PRKG1: variants seen among roughly 807,000 people sequenced by gnomAD.
PRKG1 encodes protein kinase cGMP-dependent 1.
A neutral mutation model predicts 88.1 loss-of-function variants in PRKG1; 35 were observed. The ratio of observed to expected loss-of-function variants is 0.40; its 90% CI spans 0.30 to 0.53. PRKG1 has a LOEUF of 0.53. Ranked by LOEUF, PRKG1 falls within the 20% of genes least tolerant of loss-of-function variation. The probability of loss-of-function intolerance (pLI) is 0.59; values close to 1 mark genes in which losing one functional copy is unlikely to be tolerated. For missense variants in PRKG1, 540 were observed against 839.8 expected (o/e 0.64, Z 4.41); for synonymous variants, 303 against 292.5 (o/e 1.04, Z -0.37).
At chr10:51,237,288 T>C (rs1839021640) in intron 2 of PRKG1, among the ~76,000 whole-genome samples, 1 of 152,162 alleles carries the variant, frequency 6.6e-6, no homozygotes, top group South Asian at 2.1e-4. Flanking sequence ...TCTCAGGGCG[T>C]TGGTAGCTAC....
intron 4 of PRKG1, among the ~76,000 whole-genome samples, chr10:51,837,576 A>T (rs756638985): frequency 6.6e-6 from 1 of 151,906 alleles, no homozygotes; most frequent in Non-Finnish European, 1.5e-5. Flanking sequence ...TTCCCTCTCC[A>T]TTGGGGTAAG....
chr10:51,860,106 GT>G (rs1840832983), intron 4 of PRKG1, among the ~76,000 whole-genome samples: 1 of 152,092 alleles, frequency 6.6e-6, no homozygotes, highest in Non-Finnish European at 1.5e-5. Flanking sequence ...CAAAAATAGG[GT>G]AAATAAGTAC....
intron 8 of PRKG1, among the ~76,000 whole-genome samples, chr10:52,153,448 G>A (rs1008463441): frequency 6.6e-6 from 1 of 152,180 alleles, no homozygotes; most frequent in Non-Finnish European, 1.5e-5. Context: ...GAGTGAAATA[G>A]CAATTCTCCA....
chr10:52,091,976 G>A (rs554537290), intron 7 of PRKG1, among the ~76,000 whole-genome samples: 2 of 152,198 alleles, frequency 1.3e-5, no homozygotes, highest in Admixed American at 1.3e-4. Context: ...TTGATGTCAC[G>A]GTATGACTAC....
chr10:51,165,491 C>T, intron 2 of PRKG1, among the ~76,000 whole-genome samples: 1 of 152,086 alleles, frequency 6.6e-6, no homozygotes, highest in Non-Finnish European at 1.5e-5. Flanking sequence ...CTGCAACTAA[C>T]AAGCAAAATA....
rs192764070 is a variant in PRKG1 at position 52,059,545 on chromosome 10, T to G, written c.841-2992T>G. On this transcript the variant is annotated intron_variant, in intron 6 of 17. Coordinates refer to ENST00000373980, the MANE Select transcript of PRKG1 (RefSeq NM_006258.4). ...GAAAAAAAGGTCTGAAAAGGTTAAA[T>G]ATTGTATTATTTCATTTATATGGCA... 1.2e-3 allele frequency among the ~76,000 whole-genome samples: 179 copies of G among 152,082 alleles called. 2 individuals carry two copies. The highest frequency in any genetic ancestry group is 3.8e-4 in the Non-Finnish European group (26 of 67,842).
intron 4 of PRKG1, among the ~76,000 whole-genome samples, chr10:51,815,768 C>CG (rs1481343968): frequency 1.3e-5 from 2 of 152,144 alleles, no homozygotes; most frequent in Admixed American, 6.5e-5. Flanking sequence ...TCTTAACGGA[C>CG]AGCTTAGAAT....
chr10:51,926,537 A>G (rs978642371), intron 5 of PRKG1, among the ~76,000 whole-genome samples: 1 of 152,108 alleles, frequency 6.6e-6, no homozygotes, highest in African/African-American at 2.4e-5. Flanking sequence ...CAAAGCTGTC[A>G]TGGATGTGTG....
At chr10:51,004,098 G>A (rs995576626) in intron 1 of PRKG1, among the ~76,000 whole-genome samples, 3 of 152,060 alleles carry the variant, frequency 2.0e-5, no homozygotes, top group Non-Finnish European at 4.4e-5. Flanking sequence ...ATTAATATTT[G>A]ACTTTTTTAG....
intron 5 of PRKG1, among the ~76,000 whole-genome samples, chr10:51,986,863 A>AAT (rs1336750292): frequency 1.3e-5 from 2 of 152,206 alleles, no homozygotes; most frequent in Non-Finnish European, 2.9e-5. Context: ...AACAGGAAAA[A>AAT]ATACGCTTCT....
At chr10:51,450,704 G>A (rs1312094379) in intron 2 of PRKG1, among the ~76,000 whole-genome samples, 1 of 151,868 alleles carries the variant, frequency 6.6e-6, no homozygotes, top group African/African-American at 2.4e-5. Flanking sequence ...CAACTTTTTG[G>A]CAGAGTTTTA....
intron 9 of PRKG1, among the ~76,000 whole-genome samples, chr10:52,216,430 C>T (rs1840112114): frequency 6.6e-6 from 1 of 152,212 alleles, no homozygotes; most frequent in South Asian, 2.1e-4. Flanking sequence ...AAAATCAAAT[C>T]ACACTGGCAG....
At chr10:51,025,068 T>C (rs552529810) in intron 1 of PRKG1, among the ~76,000 whole-genome samples, 2 of 152,294 alleles carry the variant, frequency 1.3e-5, no homozygotes, top group East Asian at 1.9e-4. Flanking sequence ...TAAAAACCCC[T>C]TTTTGTTACT....
intron 3 of PRKG1, among the ~76,000 whole-genome samples, chr10:51,691,369 G>A (rs996969431): frequency 7.7e-4 from 116 of 149,882 alleles, no homozygotes; most frequent in African/African-American, 2.6e-3. Context: ...GTGCAGTGGC[G>A]AGATCCCGGC....
intron 2 of PRKG1, among the ~76,000 whole-genome samples, chr10:51,273,886 C>T (rs1840046575): frequency 6.6e-6 from 1 of 152,206 alleles, no homozygotes; most frequent in Admixed American, 6.5e-5. Flanking sequence ...CATTAGTTTC[C>T]TGAGTAGACA....
At chr10:52,061,143 A>G (rs1846226321) in intron 6 of PRKG1, among the ~76,000 whole-genome samples, 1 of 151,980 alleles carries the variant, frequency 6.6e-6, no homozygotes, top group South Asian at 2.1e-4. Context: ...TAGTGGTCAC[A>G]GAGACACAGA....
intron 3 of PRKG1, among the ~76,000 whole-genome samples, chr10:51,768,863 AATT>A (rs1378923517): frequency 6.6e-6 from 1 of 152,146 alleles, no homozygotes; most frequent in Non-Finnish European, 1.5e-5. Flanking sequence ...AACAAAGAAA[AATT>A]ATTAAGTCTC....
chr10:52,074,233 G>T (rs1846575840), intron 7 of PRKG1, among the ~76,000 whole-genome samples: 1 of 152,174 alleles, frequency 6.6e-6, no homozygotes, highest in East Asian at 1.9e-4. Flanking sequence ...TCTGTGAAAT[G>T]CAAGGAGATT....
At chr10:51,820,719 G>A (rs1338114325) in intron 4 of PRKG1, among the ~76,000 whole-genome samples, 1 of 152,172 alleles carries the variant, frequency 6.6e-6, no homozygotes, top group East Asian at 1.9e-4. Flanking sequence ...TGGAAAACTT[G>A]TGGTTTGCTT....
Sources: gnomAD v4.1 joint callset for allele counts (sites outside exome capture counted in the v4.1 genomes callset) on GRCh38, gnomAD v4.1.1 for gene constraint, MANE v1.5 for transcripts, NCBI Gene and HGNC (gene_info 2026-07-23, HGNC 2026-07-21) for gene names.